The following TOLLIP variants were observed in gnomAD, a reference collection of about 807,000 sequenced individuals.
The protein encoded by TOLLIP is toll interacting protein, also known as toll-interacting protein.
TOLLIP carries 16 observed loss-of-function variants against 33.5 expected under a neutral mutation model. The observed-to-expected ratio is 0.48, with a 90% CI of 0.32 to 0.72. The LOEUF (loss-of-function observed/expected upper bound fraction) is 0.72. Among genes scored for constraint, TOLLIP ranks in the 30% least tolerant of loss-of-function variants. The pLI is 0.03. For synonymous variants in TOLLIP, 176 were observed against 163.7 expected, an observed-to-expected ratio of 1.07 and a Z score of -0.57; for missense variants, 325 against 396.6, an observed-to-expected ratio of 0.82 and a Z score of 1.53.
rs1564969354 is a variant in TOLLIP at position 1,287,394 on chromosome 11, T to TCCCCGCCGCA, written c.519+1229_519+1230insTGCGGCGGGG. On this transcript the variant is annotated intron_variant, in intron 4 of 5. Transcript: ENST00000317204. The stretch of plus-strand genomic sequence containing the variant: ...GCCCAGAAAAGCAGCTCCCTGCTGC[T>TCCCCGCCGCA]GCCTCCCCGCCGCAGCCTCCCCGCC... Among the ~76,000 whole-genome samples the TCCCCGCCGCA allele has an allele frequency of 6.1e-3, 540 of 88,890 alleles. 112 individuals are homozygous for TCCCCGCCGCA. Among genetic ancestry groups the TCCCCGCCGCA allele is most frequent in the Middle Eastern group, 0.012 (2 of 164 alleles). 58.3% of individuals were successfully genotyped at this position (88,890 alleles called of 152,430 possible).
chr11:1,298,447 C>T (rs1462686281), intron 1 of TOLLIP: 1 of 152,274 alleles, frequency 6.6e-6, no homozygotes, highest in Non-Finnish European at 1.5e-5. Flanking sequence ...TGAGGGAGCA[C>T]TGTGGGTCCC....
rs1175873452 is a variant in TOLLIP at position 1,278,361 on chromosome 11, C to A, written c.611-1108G>T. Reference sequence around the variant, plus strand: ...TCTCCCAGCTAGGATCACTGGAGCGCTAGAGCCCCAATCTTAGGATAGGAC... The same window carrying A: ...TCTCCCAGCTAGGATCACTGGAGCGATAGAGCCCCAATCTTAGGATAGGAC... On this transcript the variant is annotated intron_variant, in intron 5 of 5. Transcript: ENST00000317204. This position sits in a 1 kb window ranked among gnomAD's most constrained non-coding sequence, Gnocchi z 4.7. Among the ~76,000 whole-genome samples, 1 of 152,182 alleles carries A rather than the reference C, an allele frequency of 6.6e-6. No individual in the cohort carries two copies. Among genetic ancestry groups the A allele is most frequent in the East Asian group, 1.9e-4 (1 of 5,188 alleles).
chr11:1,306,840 C>T (rs1345249123), intron 1 of TOLLIP, among the ~76,000 whole-genome samples: 1 of 152,116 alleles, frequency 6.6e-6, no homozygotes, highest in Non-Finnish European at 1.5e-5. Context: ...GCTCCCTCCT[C>T]TCCACCTCCA....
intron 4 of TOLLIP, among the ~76,000 whole-genome samples, chr11:1,287,857 C>G (rs1367359133): frequency 1.5e-5 from 2 of 133,596 alleles, no homozygotes; most frequent in Non-Finnish European, 3.2e-5. Context: ...CCCTGCCGCA[C>G]CCTCTCTGCT....
chr11:1,279,421 G>C (rs895010616), intron 5 of TOLLIP, among the ~76,000 whole-genome samples: 3 of 152,324 alleles, frequency 2.0e-5, no homozygotes, highest in Middle Eastern at 6.8e-3. Flanking sequence ...AACGGTGAGC[G>C]TATGTGTCAA....
At chr11:1,283,550 T>C in intron 5 of TOLLIP, 1 of 456,274 alleles carries the variant, frequency 2.2e-6, no homozygotes. Flanking sequence ...CTGCATCTCC[T>C]TGGGAACTTT....
chr11:1,306,310 C>T (rs1166622996), intron 1 of TOLLIP: 1 of 152,170 alleles, frequency 6.6e-6, no homozygotes, highest in African/African-American at 2.4e-5. Flanking sequence ...CTCCCTCTAC[C>T]CAAGGACAAA....
At chr11:1,291,541 A>C in intron 2 of TOLLIP, among the ~76,000 whole-genome samples, 1 of 111,824 alleles carries the variant, frequency 8.9e-6, no homozygotes. Flanking sequence ...CCCCGAAGGC[A>C]CGGCCACCCC....
Position 1,309,550 on chromosome 11 carries a change from G to A in TOLLIP, c.-52C>T, listed in dbSNP as rs892188125. On this transcript the variant is annotated 5_prime_UTR_variant, in exon 1 of 6. Transcript: ENST00000317204. ...CCGACCCGACAGTGACGCGCCGGGC[G>A]ACCTCCTGCGCCCCCGCCGGAGCCT... 9.3e-6 allele frequency: 11 copies of A among 1,189,084 alleles called. No homozygotes were observed. In the East Asian group the frequency reaches 2.8e-4, roughly 30 times the overall value. 73.7% of individuals were successfully genotyped at this position (1,189,084 alleles called of 1,614,324 possible).
chr11:1,280,499 G>A (rs547859926), intron 5 of TOLLIP, among the ~76,000 whole-genome samples: 113 of 152,158 alleles, frequency 7.4e-4, no homozygotes, highest in Non-Finnish European at 1.3e-3. Flanking sequence ...GGACTGCGCC[G>A]GTGAGGACGT....
intron 1 of TOLLIP, chr11:1,298,196 T>C (rs1864166745): frequency 6.6e-6 from 1 of 152,336 alleles, no homozygotes; most frequent in Non-Finnish European, 1.5e-5. Context: ...GTGTGCCACA[T>C]GCACAGCTCT....
rs928237235 is a variant in TOLLIP at position 1,296,077 on chromosome 11, T to C, written c.34-283A>G. On this transcript the variant is annotated intron_variant, in intron 1 of 5. Coordinates refer to ENST00000317204, the MANE Select transcript of TOLLIP (RefSeq NM_019009.4). ...TTCCTGTCCTCAAAGCCTGCTCAGGTGGGTTTTCAGGTCATTTTAAAGGGT... is the reference window on the plus strand; with the variant it reads ...TTCCTGTCCTCAAAGCCTGCTCAGGCGGGTTTTCAGGTCATTTTAAAGGGT... 2.6e-5 allele frequency among the ~76,000 whole-genome samples: 4 copies of C among 152,220 alleles called. No individual in the cohort carries two copies. In the South Asian group the frequency reaches 8.3e-4, roughly 31 times the overall value.
chr11:1,295,387 G>T, intron 2 of TOLLIP: 1 of 362,928 alleles, frequency 2.8e-6, no homozygotes, highest in Non-Finnish European at 4.9e-6. Context: ...AAGCCTGGTG[G>T]AAGAGCCAGG....
chr11:1,296,754 T>C (rs1864124157), intron 1 of TOLLIP, among the ~76,000 whole-genome samples: 1 of 99,266 alleles, frequency 1.0e-5, no homozygotes, highest in Non-Finnish European at 2.0e-5. Context: ...GCCTGGTTGC[T>C]GGTGGAGTGG....
At chr11:1,298,994 G>A (rs1402541053) in intron 1 of TOLLIP, among the ~76,000 whole-genome samples, 1 of 152,248 alleles carries the variant, frequency 6.6e-6, no homozygotes, top group Non-Finnish European at 1.5e-5. Flanking sequence ...TGGGACAGCA[G>A]GGGACAGTCA....
At position 1,295,702 on chromosome 11, in the gene TOLLIP, C is replaced by T; in HGVS notation, c.126G>A (p.Gln42=). 1 of 1,611,758 alleles carries T rather than the reference C, an allele frequency of 6.2e-7. No homozygotes were observed. The highest frequency in any genetic ancestry group is 2.2e-5 in the East Asian group (1 of 44,848). ...TGCCCACTGCGCCTCCGTACTGCAG[C>T]TGCTGGGCCGCCTGGGCGTCCAGCT... ...QVQLDAQAAQ[Q]LQYGGAVGTV... is the part of the protein sequence containing the mutation. Residue 42 remains glutamine, a synonymous_variant, in exon 2 of 6, where the codon CAG becomes CAA. Transcript: ENST00000317204.
chr11:1,305,630 C>T (rs1190472204), intron 1 of TOLLIP, among the ~76,000 whole-genome samples: 1 of 152,214 alleles, frequency 6.6e-6, no homozygotes, highest in African/African-American at 2.4e-5. Flanking sequence ...CTACCCTCTG[C>T]CATCCCTAAT....
At chr11:1,304,915 C>G (rs965760387) in intron 1 of TOLLIP, among the ~76,000 whole-genome samples, 1 of 152,242 alleles carries the variant, frequency 6.6e-6, no homozygotes, top group Non-Finnish European at 1.5e-5. Flanking sequence ...CTAGCGCATT[C>G]CCATCAAAAG....
In TOLLIP at chr11:1,274,544, G is replaced by A. The variant is rs1368017801; in HGVS notation, c.*2495C>T. 2.0e-5 allele frequency: 3 copies of A among 152,204 alleles called. No homozygotes were observed. Among genetic ancestry groups the A allele is most frequent in the Admixed American group, 2.0e-4 (3 of 15,278 alleles). The allele number at this position is 152,204 out of a possible 1,614,324, so 9.4% of individuals were successfully genotyped here. On this transcript the variant is annotated 3_prime_UTR_variant, in exon 6 of 6. Coordinates refer to ENST00000317204, the MANE Select transcript of TOLLIP (RefSeq NM_019009.4). ...ACCACTCCTGCCTGGCACCCTGCAGGGTAGCGCCCAGGGAGCATCTGCAGA... is the reference window on the plus strand; with the variant it reads ...ACCACTCCTGCCTGGCACCCTGCAGAGTAGCGCCCAGGGAGCATCTGCAGA...
Sources: allele counts gnomAD v4.1 joint callset (sites outside exome capture counted in the v4.1 genomes callset), GRCh38; gene constraint gnomAD v4.1.1; non-coding constraint Gnocchi (gnomAD v3.1); transcripts MANE v1.5; gene names NCBI Gene and HGNC (gene_info 2026-07-23, HGNC 2026-07-21).